FREM2: variants seen among roughly 807,000 people sequenced by gnomAD.
FREM2 encodes the protein FRAS1 related extracellular matrix 2, also known as FRAS1-related extracellular matrix protein 2.
Under a neutral mutation model 219.9 loss-of-function variants are expected in FREM2, and 119 were observed. That is an observed-to-expected ratio of 0.54 (90% CI 0.47 to 0.63). The LOEUF (loss-of-function observed/expected upper bound fraction) is 0.63, where lower values mean the gene tolerates loss of function less well. Among genes scored for constraint, FREM2 ranks in the 30% least tolerant of loss-of-function variants. FREM2 has a pLI of 0.00. For missense variants in FREM2, 4,030 were observed against 3,993.6 expected (o/e 1.01, Z -0.25); for synonymous variants, 1,562 against 1,522.8 (o/e 1.03, Z -0.60).
chr13:38,717,412 C>CTTTTTTTTTT (rs386378868), intron 2 of FREM2, among the ~76,000 whole-genome samples: 24 of 90,154 alleles, frequency 2.7e-4, no homozygotes, highest in Non-Finnish European at 3.7e-4. Flanking sequence ...TACATAAGTA[C>CTTTTTTTTTT]TTTTTTTTTT....
At chr13:38,782,760 G>A (rs1874167660) in intron 4 of FREM2, among the ~76,000 whole-genome samples, 1 of 152,238 alleles carries the variant, frequency 6.6e-6, no homozygotes. Flanking sequence ...GTTAATGTGT[G>A]CCAAGAGAAC....
At chr13:38,790,686 A>T (rs547906193) in intron 6 of FREM2, among the ~76,000 whole-genome samples, 33 of 152,314 alleles carry the variant, frequency 2.2e-4, no homozygotes, top group Middle Eastern at 3.4e-3. Context: ...TACAAAAGTA[A>T]TTGCGGTTTT....
intron 2 of FREM2, among the ~76,000 whole-genome samples, chr13:38,743,397 G>A (rs1872327817): frequency 6.6e-6 from 1 of 151,846 alleles, no homozygotes; most frequent in African/African-American, 2.4e-5. Flanking sequence ...ATGGAATTTA[G>A]TTTGTCTCAT....
At position 38,851,783 on chromosome 13, in the gene FREM2, A is replaced by G. The variant is rs1405410707; in HGVS notation, c.6840A>G (p.Gly2280=). 1 of 1,613,940 alleles carries G rather than the reference A, an allele frequency of 6.2e-7. No homozygotes were observed. The highest frequency in any genetic ancestry group is 1.7e-5 in the Admixed American group (1 of 60,012). Residue 2280 remains glycine, a synonymous_variant, in exon 11 of 24, where the codon GGA becomes GGG. Transcript: ENST00000280481. ...VVIRIPVIRQ[G]DTSKVSIVRV... ...TAAGAATTCCAGTGATTCGCCAAGG[A>G]GACACTTCAAAGGTTTCCATTGTGA...
At chr13:38,833,364 C>T (rs2137890938) in intron 6 of FREM2, among the ~76,000 whole-genome samples, 1 of 151,990 alleles carries the variant, frequency 6.6e-6, no homozygotes, top group Middle Eastern at 3.4e-3. Flanking sequence ...CTTTGTTTCT[C>T]CTCCTTCCCA....
intron 2 of FREM2, among the ~76,000 whole-genome samples, chr13:38,735,715 A>G (rs1260174941): frequency 6.6e-6 from 1 of 152,198 alleles, no homozygotes; most frequent in Non-Finnish European, 1.5e-5. Flanking sequence ...GTGGCTTTTC[A>G]AGTAGGCCTA....
At chr13:38,749,842 AG>A (rs1253898674) in intron 2 of FREM2, among the ~76,000 whole-genome samples, 1 of 152,232 alleles carries the variant, frequency 6.6e-6, no homozygotes, top group African/African-American at 2.4e-5. Flanking sequence ...CTCTTTAAAA[AG>A]TTTATGCATG....
Position 38,878,297 on chromosome 13 carries a change from A to C in FREM2, c.8835A>C (p.Ser2945=), listed in dbSNP as rs1249675413. ...AEYGCLADSP[S]LLYRFKIVDK... is the part of the protein sequence containing the mutation. ...ATGGCTGCTTAGCCGACTCTCCTTC[A>C]CTCTTATATAGATTTAAAATTGTGG... The change falls in exon 22 of 24, where the codon TCA becomes TCC. Residue 2945 remains serine, a synonymous_variant. Transcript: ENST00000280481. The C allele has an allele frequency of 6.2e-7, 1 of 1,612,908 alleles. No individual in the cohort carries two copies. Among genetic ancestry groups the C allele is most frequent in the Non-Finnish European group, 8.5e-7 (1 of 1,179,626 alleles).
rs527554562 is a variant in FREM2, at chr13:38,744,627, G to A, written c.5264-19677G>A. On this transcript the variant is annotated intron_variant, in intron 2 of 23. Coordinates refer to ENST00000280481, the MANE Select transcript of FREM2 (RefSeq NM_207361.6). ...CTGCCTCAGCCTCCCGAGTAGCTGGGATTACAGGTGCCCACCACCACGCCT... is the reference window on the plus strand; with the variant it reads ...CTGCCTCAGCCTCCCGAGTAGCTGGAATTACAGGTGCCCACCACCACGCCT... Among the ~76,000 whole-genome samples the A allele has an allele frequency of 8.5e-5, 13 of 152,190 alleles. 1 individual carries two copies. The East Asian group carries it at 2.5e-3, about 29-fold the overall frequency.
chr13:38,803,196 A>G (rs953522376), intron 6 of FREM2, among the ~76,000 whole-genome samples: 1 of 152,148 alleles, frequency 6.6e-6, no homozygotes, highest in Non-Finnish European at 1.5e-5. Flanking sequence ...CTAAAGCTAT[A>G]TTACCTCTCA....
intron 6 of FREM2, among the ~76,000 whole-genome samples, chr13:38,802,154 T>G (rs1454056752): frequency 6.6e-6 from 1 of 152,164 alleles, no homozygotes; most frequent in East Asian, 1.9e-4. Context: ...GGTGCTGGTT[T>G]TGATAAGCGA....
chr13:38,764,078 T>A (rs964387867), intron 2 of FREM2, among the ~76,000 whole-genome samples: 1 of 152,162 alleles, frequency 6.6e-6, no homozygotes, highest in African/African-American at 2.4e-5. Flanking sequence ...CTACTTCCCC[T>A]CCTAAAACAG....
intron 2 of FREM2, among the ~76,000 whole-genome samples, chr13:38,734,820 C>T (rs1315740886): frequency 7.1e-6 from 1 of 140,556 alleles, no homozygotes; most frequent in African/African-American, 2.6e-5. Context: ...GATCTCAGCT[C>T]ACTGCAACCT....
chr13:38,807,190 T>TG (rs1875269528), intron 6 of FREM2, among the ~76,000 whole-genome samples: 1 of 36,140 alleles, frequency 2.8e-5, no homozygotes, highest in Non-Finnish European at 5.0e-5. Context: ...TTGTCTCTGT[T>TG]ATATATATAT....
intron 6 of FREM2, among the ~76,000 whole-genome samples, chr13:38,792,772 A>AT (rs34613547): frequency 5.9e-5 from 9 of 151,828 alleles, no homozygotes; most frequent in South Asian, 4.2e-4. Context: ...TTGATTTGGG[A>AT]TTTTTTTTTA....
chr13:38,788,308 G>A (rs1874413074), intron 6 of FREM2, among the ~76,000 whole-genome samples: 1 of 152,114 alleles, frequency 6.6e-6, no homozygotes, highest in Non-Finnish European at 1.5e-5. Flanking sequence ...CACCCTGAGA[G>A]TAAAGTTGCA....
intron 4 of FREM2, 58 bp from the exon 5 acceptor site, chr13:38,783,012 G>A (rs973361189): frequency 4.4e-6 from 7 of 1,592,864 alleles, no homozygotes; most frequent in Middle Eastern, 2.1e-4. Flanking sequence ...CTGTATGATT[G>A]TTTCAGAGGT....
chr13:38,730,320 T>C (rs1359731433), intron 2 of FREM2, among the ~76,000 whole-genome samples: 1 of 152,232 alleles, frequency 6.6e-6, no homozygotes, highest in Non-Finnish European at 1.5e-5. Context: ...TTTCTTTTTG[T>C]TTATAAAGTG....
chr13:38,702,956 A>C (rs577796047), intron 2 of FREM2, among the ~76,000 whole-genome samples: 2 of 152,236 alleles, frequency 1.3e-5, no homozygotes, highest in Admixed American at 1.3e-4. Context: ...TCCTTGATTC[A>C]TATGCTATTG....
Sources: allele counts gnomAD v4.1 joint callset (sites outside exome capture counted in the v4.1 genomes callset), GRCh38; gene constraint gnomAD v4.1.1; transcripts MANE v1.5; gene names NCBI Gene and HGNC (gene_info 2026-07-23, HGNC 2026-07-21).